The following GPR139 variants were observed in gnomAD, a reference collection of about 807,000 sequenced individuals.
GPR139 encodes G protein-coupled receptor 139, also known as probable G protein-coupled receptor 139.
In GPR139, 12 loss-of-function variants were observed where a neutral mutation model predicts 25.8. The ratio of observed to expected loss-of-function variants is 0.47; its 90% CI spans 0.30 to 0.75. GPR139 has a LOEUF of 0.75. Ranked by LOEUF, GPR139 falls within the 30% of genes least tolerant of loss-of-function variation. The pLI is 0.07. For synonymous variants in GPR139, 184 were observed against 179.9 expected, an observed-to-expected ratio of 1.02 and a Z score of -0.18; for missense variants, 380 against 450.2, an observed-to-expected ratio of 0.84 and a Z score of 1.41.
Position 20,030,904 on chromosome 16 carries a change from C to T in GPR139, c.*831G>A, listed in dbSNP as rs2057285416. Among the ~76,000 whole-genome samples the T allele has an allele frequency of 6.6e-6, 1 of 152,138 alleles. No individual in the cohort carries two copies. On this transcript the variant is annotated 3_prime_UTR_variant, in exon 2 of 2. Coordinates refer to ENST00000570682, the MANE Select transcript of GPR139 (RefSeq NM_001002911.4). ...CATAACAAGAAGCAATTTTGAGTAA[C>T]GGGATCGTATGCAGCTGACACAGGG...
chr16:20,064,427 C>T (rs547458682), intron 1 of GPR139, among the ~76,000 whole-genome samples: 30 of 152,112 alleles, frequency 2.0e-4, no homozygotes, highest in East Asian at 7.8e-4. Flanking sequence ...TCCAGCTACT[C>T]GGGAGGCTGA....
In GPR139 at chr16:20,073,396, C is replaced by G; in HGVS notation, c.127+94G>C. 6.5e-7 allele frequency: 1 copy of G among 1,532,828 alleles called. No individual in the cohort carries two copies. The highest frequency in any genetic ancestry group is 8.8e-7 in the Non-Finnish European group (1 of 1,132,992). 95.0% of individuals were successfully genotyped at this position (1,532,828 alleles called of 1,614,324 possible). A position where few individuals can be genotyped will look rare whatever the true frequency, so the allele number is the denominator to read the frequency against. Reference sequence around the variant, plus strand: ...AGCTTAAACTTTTTCCGAGGGGGCGCCAGGGAACGCACGGGGGAGGACGGG... The same window carrying G: ...AGCTTAAACTTTTTCCGAGGGGGCGGCAGGGAACGCACGGGGGAGGACGGG... On this transcript the variant is annotated intron_variant, in intron 1 of 1. Transcript: ENST00000570682. The surrounding 1 kb of genome is among the most constrained non-coding windows in gnomAD (Gnocchi z 4.7).
intron 1 of GPR139, among the ~76,000 whole-genome samples, chr16:20,067,606 A>T (rs1046335330): frequency 1.3e-5 from 2 of 151,974 alleles, no homozygotes; most frequent in African/African-American, 4.8e-5. Flanking sequence ...GGAGTTTGAG[A>T]CCAGCCTGAC....
chr16:20,069,386 TTC>T, intron 1 of GPR139, among the ~76,000 whole-genome samples: 1 of 140,344 alleles, frequency 7.1e-6, no homozygotes, highest in African/African-American at 2.6e-5. Context: ...TTATTCCATT[TTC>T]TCTCATTAAA....
chr16:20,042,707 T>C (rs1389191981), intron 1 of GPR139, among the ~76,000 whole-genome samples: 1 of 152,204 alleles, frequency 6.6e-6, no homozygotes, highest in East Asian at 1.9e-4. Flanking sequence ...TTATTATTTT[T>C]CTTGTGAAGA....
chr16:20,073,623 G>T lies in GPR139; in HGVS notation c.-7C>A. The T allele has an allele frequency of 1.9e-6, 3 of 1,589,078 alleles. No homozygotes were observed. The highest frequency in any genetic ancestry group is 2.3e-5 in the South Asian group (2 of 87,780). On this transcript the variant is annotated 5_prime_UTR_variant, in exon 1 of 2. Coordinates refer to ENST00000570682, the MANE Select transcript of GPR139 (RefSeq NM_001002911.4). The surrounding 1 kb of genome is among the most constrained non-coding windows in gnomAD (Gnocchi z 4.7). Reference sequence around the variant, plus strand: ...GGGCGTGCGTGTGCTCCATGAGCGCGCCCCTCGCTCCCCTTGCCGCTTCGC... The same window carrying T: ...GGGCGTGCGTGTGCTCCATGAGCGCTCCCCTCGCTCCCCTTGCCGCTTCGC...
intron 1 of GPR139, among the ~76,000 whole-genome samples, chr16:20,051,819 G>A (rs1236635648): frequency 1.3e-5 from 2 of 152,122 alleles, no homozygotes; most frequent in Non-Finnish European, 2.9e-5. Context: ...CTGGTTTCAG[G>A]ACACGTGCCT....
intron 1 of GPR139, 130 bp from the exon 2 acceptor site, chr16:20,032,799 G>GTTGTCCCTCAAAA: frequency 1.6e-6 from 1 of 634,836 alleles, no homozygotes; most frequent in Non-Finnish European, 2.8e-6. Flanking sequence ...TGCTTTTGAG[G>GTTGTCCCTCAAAA]GACAACCTCA....
chr16:20,032,246 A>G lies in GPR139; in HGVS notation c.551T>C (p.Ile184Thr). 2 of 1,614,190 alleles carry G rather than the reference A, an allele frequency of 1.2e-6. No homozygotes were observed. Among genetic ancestry groups the G allele is most frequent in the Non-Finnish European group, 1.7e-6 (2 of 1,180,020 alleles). Residue 184 changes from isoleucine (I) to threonine (T), a missense_variant, in exon 2 of 2, where the codon ATC (isoleucine) becomes ACC (threonine). Transcript: ENST00000570682. ...GTAGACGGTGAAGCAGTGGATCCAG[A>G]TGAGGACGTGATGCACAGAGGTGCT... is the stretch of plus-strand genomic sequence containing the variant. ...YISTSVHHVL[I>T]WIHCFTVYLV...
chr16:20,062,711 A>G (rs139983713), intron 1 of GPR139, among the ~76,000 whole-genome samples: 5,768 of 152,302 alleles, frequency 0.038, 186 homozygotes, highest in Admixed American at 0.091. Context: ...CCCAATATAA[A>G]TGTGAGTCAT....
rs2057287446 is a variant in GPR139 at position 20,031,426 on chromosome 16, A to G, written c.*309T>C. 1 of 361,192 alleles carries G rather than the reference A, an allele frequency of 2.8e-6. No individual in the cohort carries two copies. Among genetic ancestry groups the G allele is most frequent in the East Asian group, 5.6e-5 (1 of 17,892 alleles). 22.4% of individuals were successfully genotyped at this position (361,192 alleles called of 1,614,324 possible). ...GGATGGTACCAGGGCGAAATCACAG[A>G]CTACTTCTCTACTTTGTGTCCTAAC... On this transcript the variant is annotated 3_prime_UTR_variant, in exon 2 of 2. Transcript: ENST00000570682.
chr16:20,061,495 A>G (rs183748380), intron 1 of GPR139, among the ~76,000 whole-genome samples: 2 of 152,314 alleles, frequency 1.3e-5, no homozygotes, highest in Admixed American at 6.5e-5. Flanking sequence ...GAGTCAATGA[A>G]TGCAGGTGCA....
intron 1 of GPR139, among the ~76,000 whole-genome samples, chr16:20,063,736 T>A (rs1014815386): frequency 6.6e-6 from 1 of 152,234 alleles, no homozygotes; most frequent in African/African-American, 2.4e-5. Context: ...TTTCCTTTAC[T>A]CCTTTTGCTT....
chr16:20,044,994 A>ATTTTT (rs10581585), intron 1 of GPR139, among the ~76,000 whole-genome samples: 1 of 86,328 alleles, frequency 1.2e-5, no homozygotes, highest in Non-Finnish European at 2.2e-5. Context: ...CACTTGCACT[A>ATTTTT]TTTTTTTTTT....
intron 1 of GPR139, among the ~76,000 whole-genome samples, chr16:20,061,227 GTGGATGGATGGA>G (rs57097613): frequency 3.9e-5 from 3 of 77,756 alleles, no homozygotes; most frequent in East Asian, 7.6e-4. Flanking sequence ...GGATGGATGT[GTGGATGGATGGA>G]TGGATGGATG....
At chr16:20,061,219 ATGGATGTG>A (rs2057412409) in intron 1 of GPR139, among the ~76,000 whole-genome samples, 2 of 120,218 alleles carry the variant, frequency 1.7e-5, no homozygotes, top group Non-Finnish European at 3.8e-5. Context: ...GGATGGATGG[ATGGATGTG>A]TGGATGGATG....
At chr16:20,054,334 T>C (rs1364523065) in intron 1 of GPR139, among the ~76,000 whole-genome samples, 2 of 152,196 alleles carry the variant, frequency 1.3e-5, no homozygotes, top group Non-Finnish European at 2.9e-5. Flanking sequence ...AATCCAAACC[T>C]GCAGGTTAGC....
rs189434632 is a variant in GPR139 at position 20,036,068 on chromosome 16, G to A, written c.128-3399C>T. On this transcript the variant is annotated intron_variant, in intron 1 of 1. Transcript: ENST00000570682. ...AGAGTAGAGAAACATCATATAAGTGGCTAAGTATTAAAGAGATAAATGAGA... is the reference window on the plus strand; with the variant it reads ...AGAGTAGAGAAACATCATATAAGTGACTAAGTATTAAAGAGATAAATGAGA... Among the ~76,000 whole-genome samples, 386 of 152,304 alleles carry A rather than the reference G, an allele frequency of 2.5e-3. 2 individuals carry two copies. Among genetic ancestry groups the A allele is most frequent in the African/African-American group, 9.0e-3 (373 of 41,562 alleles).
intron 1 of GPR139, among the ~76,000 whole-genome samples, chr16:20,058,606 C>T (rs914627807): frequency 1.3e-5 from 2 of 152,146 alleles, no homozygotes; most frequent in Non-Finnish European, 2.9e-5. Flanking sequence ...TTCAAGATGT[C>T]CTTGGAATCT....
Sources: allele counts gnomAD v4.1 joint callset (sites outside exome capture counted in the v4.1 genomes callset), GRCh38; gene constraint gnomAD v4.1.1; non-coding constraint Gnocchi (gnomAD v3.1); transcripts MANE v1.5; gene names NCBI Gene and HGNC (gene_info 2026-07-23, HGNC 2026-07-21).